Variants in NRG3 observed in about 807,000 individuals in gnomAD.
NRG3 encodes the protein neuregulin 3.
NRG3 carries 31 observed loss-of-function variants against 66.9 expected under a neutral mutation model. The observed-to-expected ratio is 0.46, with a 90% CI of 0.35 to 0.63. The LOEUF is 0.63. Among genes scored for constraint, NRG3 ranks in the 20% least tolerant of loss-of-function variants. NRG3 has a pLI of 0.00. For missense variants in NRG3, 910 were observed against 878.9 expected (o/e 1.04, Z -0.45); for synonymous variants, 393 against 359.4 (o/e 1.09, Z -1.06).
rs75749137 is a variant in NRG3, at chr10:82,122,967, A to G, written c.824-235772A>G. Among the ~76,000 whole-genome samples the G allele has an allele frequency of 3.2e-3, 487 of 151,700 alleles. 5 individuals carry two copies. The highest frequency in any genetic ancestry group is 0.011 in the African/African-American group (464 of 41,400). ...GTGTTACCTGCTCAGATTTCTCTAT[A>G]AGAGAATAGATCCTAAGCCAAATAT... On this transcript the variant is annotated intron_variant, in intron 1 of 8. Transcript: ENST00000372141.
At chr10:82,539,170 A>G (rs2043360280) in intron 2 of NRG3, among the ~76,000 whole-genome samples, 1 of 152,226 alleles carries the variant, frequency 6.6e-6, no homozygotes. Flanking sequence ...TACCTGTAAC[A>G]CTGCCTGAAA....
intron 1 of NRG3, among the ~76,000 whole-genome samples, chr10:82,205,308 G>T (rs2133552090): frequency 6.6e-6 from 1 of 152,124 alleles, no homozygotes; most frequent in Non-Finnish European, 1.5e-5. Context: ...GGTTCTTCTG[G>T]GTTCCATCTG....
chr10:81,959,294 C>A (rs1015602762), intron 1 of NRG3, among the ~76,000 whole-genome samples: 1 of 152,094 alleles, frequency 6.6e-6, no homozygotes, highest in Non-Finnish European at 1.5e-5. Flanking sequence ...ACAAATACTA[C>A]CCCCAAGAAT....
Position 82,139,484 on chromosome 10 carries a change from T to C in NRG3, c.824-219255T>C, listed in dbSNP as rs76945698. Among the ~76,000 whole-genome samples the C allele has an allele frequency of 2.8e-3, 431 of 152,314 alleles. 1 individual carries two copies. Among genetic ancestry groups the C allele is most frequent in the Middle Eastern group, 6.8e-3 (2 of 294 alleles). The stretch of plus-strand genomic sequence containing the variant: ...AGAATGCTAAGACTGTGGTAGTGTT[T>C]GTTGCTTTAATTGTACTGAACTGAC... On this transcript the variant is annotated intron_variant, in intron 1 of 8. Transcript: ENST00000372141.
At chr10:82,837,730 T>C (rs1254910412) in intron 3 of NRG3, among the ~76,000 whole-genome samples, 4 of 152,050 alleles carry the variant, frequency 2.6e-5, no homozygotes, top group Non-Finnish European at 4.4e-5. Flanking sequence ...CCCGTTAGAT[T>C]AATGCTGTTG....
intron 4 of NRG3, among the ~76,000 whole-genome samples, chr10:82,931,096 A>G (rs1390370473): frequency 1.3e-5 from 2 of 152,150 alleles, no homozygotes; most frequent in African/African-American, 4.8e-5. Flanking sequence ...CACTGCACAC[A>G]TCCCCTCCAC....
At chr10:82,141,481 C>A (rs1313003476) in intron 1 of NRG3, among the ~76,000 whole-genome samples, 1 of 152,082 alleles carries the variant, frequency 6.6e-6, no homozygotes, top group African/African-American at 2.4e-5. Context: ...CATTACTTGG[C>A]AAAAACCTGC....
At chr10:82,209,604 A>C (rs1475362032) in intron 1 of NRG3, among the ~76,000 whole-genome samples, 7 of 152,178 alleles carry the variant, frequency 4.6e-5, no homozygotes, top group Non-Finnish European at 1.0e-4. Flanking sequence ...AGGTCTGGCT[A>C]TTAGAGCCAT....
At chr10:82,167,120 T>C (rs2072141417) in intron 1 of NRG3, among the ~76,000 whole-genome samples, 1 of 152,130 alleles carries the variant, frequency 6.6e-6, no homozygotes, top group South Asian at 2.1e-4. Flanking sequence ...ATGTGGCTTC[T>C]ATTTCAACTG....
At chr10:82,311,857 C>G (rs1057415801) in intron 1 of NRG3, among the ~76,000 whole-genome samples, 6 of 152,140 alleles carry the variant, frequency 3.9e-5, no homozygotes, top group Non-Finnish European at 5.9e-5. Context: ...ACGTTCATTT[C>G]CTGTGATCTT....
At chr10:82,838,618 A>T (rs529809480) in intron 3 of NRG3, among the ~76,000 whole-genome samples, 1 of 151,904 alleles carries the variant, frequency 6.6e-6, no homozygotes, top group Non-Finnish European at 1.5e-5. Flanking sequence ...TGTTCTTTAT[A>T]TGAATTTTTT....
At chr10:82,051,994 A>T (rs1367270405) in intron 1 of NRG3, among the ~76,000 whole-genome samples, 1 of 150,778 alleles carries the variant, frequency 6.6e-6, no homozygotes, top group African/African-American at 2.4e-5. Context: ...CAAATGTATA[A>T]TGTTGGACTA....
At chr10:82,191,785 C>G (rs2074157140) in intron 1 of NRG3, among the ~76,000 whole-genome samples, 5 of 152,056 alleles carry the variant, frequency 3.3e-5, no homozygotes, top group Admixed American at 3.3e-4. Context: ...TGTTCTTGTC[C>G]CTTGTTGTGG....
rs1263873043 is a variant in NRG3 at position 82,985,461 on chromosome 10, C to G, written c.1947C>G (p.Asp649Glu). ...TGACTGATGCCAGACGGTCAGAAGA[C>G]TACGAACTGGCCAGCGTAGAAACCG... is the stretch of plus-strand genomic sequence containing the variant. Reference protein sequence around the residue: ...RILTDARRSEDYELASVETED... With the variant: ...RILTDARRSEEYELASVETED... Residue 649 changes from aspartate (D) to glutamate (E), a missense_variant, in exon 9 of 9, where the codon GAC becomes GAG. Asp to Glu is a conservative substitution (Grantham distance 45). Transcript: ENST00000372141. 6.2e-7 allele frequency: 1 copy of G among 1,614,070 alleles called. No individual in the cohort carries two copies. The highest frequency in any genetic ancestry group is 1.1e-5 in the South Asian group (1 of 91,084).
At chr10:82,674,374 T>A (rs1212710231) in intron 2 of NRG3, among the ~76,000 whole-genome samples, 1 of 152,146 alleles carries the variant, frequency 6.6e-6, no homozygotes, top group Non-Finnish European at 1.5e-5. Context: ...GTTGTCAGGG[T>A]GAGAGTTTAG....
intron 2 of NRG3, among the ~76,000 whole-genome samples, chr10:82,503,124 G>A (rs1844357019): frequency 6.6e-6 from 1 of 152,166 alleles, no homozygotes; most frequent in African/African-American, 2.4e-5. Context: ...ATCAGGGTGT[G>A]TCTATATTTT....
chr10:82,937,535 T>C (rs548804624), intron 4 of NRG3, among the ~76,000 whole-genome samples: 11 of 152,238 alleles, frequency 7.2e-5, no homozygotes, highest in Non-Finnish European at 1.3e-4. Context: ...CAGACTTTAA[T>C]AGAGCAATTT....
chr10:82,047,858 C>G (rs1268446874), intron 1 of NRG3, among the ~76,000 whole-genome samples: 1 of 152,082 alleles, frequency 6.6e-6, no homozygotes, highest in Non-Finnish European at 1.5e-5. Flanking sequence ...AAACCCATCT[C>G]ACATGCAGAG....
intron 1 of NRG3, among the ~76,000 whole-genome samples, chr10:82,193,268 G>A (rs575982296): frequency 6.6e-6 from 1 of 152,048 alleles, no homozygotes; most frequent in African/African-American, 2.4e-5. Context: ...TCAGCCTCCT[G>A]AAGAGTTGGG....
Sources: allele counts gnomAD v4.1 joint callset (sites outside exome capture counted in the v4.1 genomes callset), GRCh38; gene constraint gnomAD v4.1.1; transcripts MANE v1.5; gene names NCBI Gene and HGNC (gene_info 2026-07-23, HGNC 2026-07-21).